FARP1: variants seen among roughly 807,000 people sequenced by gnomAD.
The protein encoded by FARP1 is FERM, ARHGEF and pleckstrin domain-containing protein 1.
In FARP1, 52 loss-of-function variants were observed where a neutral mutation model predicts 128.8. The observed-to-expected ratio is 0.40, with a 90% CI of 0.32 to 0.51. The LOEUF (loss-of-function observed/expected upper bound fraction) is 0.51. Among genes scored for constraint, FARP1 ranks in the 20% least tolerant of loss-of-function variants. FARP1 has a pLI of 0.45. For synonymous variants in FARP1, 580 were observed against 551.8 expected, an observed-to-expected ratio of 1.05 and a Z score of -0.72; for missense variants, 1,333 against 1,367.9, an observed-to-expected ratio of 0.97 and a Z score of 0.40.
At chr13:98,342,497 G>A (rs529997441) in intron 2 of FARP1, among the ~76,000 whole-genome samples, 2 of 152,034 alleles carry the variant, frequency 1.3e-5, no homozygotes, top group African/African-American at 4.8e-5. Context: ...TCAGGAGTTC[G>A]AGACCAGCCT....
chr13:98,393,707 G>C lies in FARP1; in HGVS notation c.1153G>C (p.Val385Leu), dbSNP rs762781389. ...ACAGCCTACAGAACTGAATTCGGAA[G>C]TGCTGGAGCAGGTCAGTGATGGCGC... ...ASQPTELNSE[V>L]LEQSQQSTSL... is the part of the protein sequence containing the mutation. Residue 385 changes from valine (V) to leucine (L), a missense_variant, in exon 12 of 27, where the codon GTG (valine) becomes CTG (leucine). Transcript: ENST00000319562. 1.2e-6 allele frequency: 2 copies of C among 1,613,578 alleles called. No individual in the cohort carries two copies. Among genetic ancestry groups the C allele is most frequent in the Non-Finnish European group, 1.7e-6 (2 of 1,179,518 alleles).
At chr13:98,234,922 G>C (rs79827332) in intron 2 of FARP1, among the ~76,000 whole-genome samples, 1,927 of 152,272 alleles carry the variant, frequency 0.013, 40 homozygotes, top group African/African-American at 0.044. Context: ...CACTGGATTT[G>C]TAATAATGCC....
At chr13:98,147,320 T>C (rs1875645400) in intron 1 of FARP1, among the ~76,000 whole-genome samples, 1 of 152,206 alleles carries the variant, frequency 6.6e-6, no homozygotes, top group South Asian at 2.1e-4. Flanking sequence ...TTAAGTTTTC[T>C]TAGTTTAATG....
At chr13:98,264,685 C>T (rs1047327313) in intron 2 of FARP1, among the ~76,000 whole-genome samples, 14 of 152,174 alleles carry the variant, frequency 9.2e-5, no homozygotes, top group African/African-American at 3.4e-4. Flanking sequence ...AGAATGCATT[C>T]TATAGTAAGA....
chr13:98,385,493 G>C (rs1322347470), intron 7 of FARP1, among the ~76,000 whole-genome samples, 174 bp from the exon 8 acceptor site: 1 of 152,188 alleles, frequency 6.6e-6, no homozygotes, highest in Non-Finnish European at 1.5e-5. Flanking sequence ...TTTTGTCCTA[G>C]CTGCTAGACT....
chr13:98,391,677 T>TC (rs1480334303), intron 11 of FARP1, among the ~76,000 whole-genome samples: 2 of 152,170 alleles, frequency 1.3e-5, no homozygotes, highest in African/African-American at 4.8e-5. Flanking sequence ...ACTCATTGAG[T>TC]CTTCACCTCA....
chr13:98,175,523 GAAA>G (rs5806050), intron 1 of FARP1, among the ~76,000 whole-genome samples: 15 of 150,400 alleles, frequency 1.0e-4, no homozygotes, highest in Non-Finnish European at 1.8e-4. Context: ...TAGCTTTTTT[GAAA>G]AAAAAAATTA....
intron 2 of FARP1, among the ~76,000 whole-genome samples, chr13:98,229,460 C>A (rs534659245): frequency 2.1e-4 from 32 of 151,364 alleles, no homozygotes; most frequent in African/African-American, 7.3e-4. Flanking sequence ...ACTTTTATAA[C>A]AGGGACAGGA....
intron 25 of FARP1, 160 bp downstream of exon 25, chr13:98,446,365 A>G (rs1480754679): frequency 1.6e-6 from 1 of 607,356 alleles, no homozygotes; most frequent in Non-Finnish European, 2.9e-6. Context: ...CGAGGCCCTC[A>G]ACTCTAGGGA....
intron 1 of FARP1, among the ~76,000 whole-genome samples, chr13:98,189,039 C>T (rs1484005142): frequency 6.6e-6 from 1 of 152,148 alleles, no homozygotes; most frequent in Non-Finnish European, 1.5e-5. Flanking sequence ...TGTCTTTCTC[C>T]TCTCCTTGTC....
intron 2 of FARP1, among the ~76,000 whole-genome samples, chr13:98,285,177 G>A (rs1442200877): frequency 1.3e-5 from 2 of 151,980 alleles, no homozygotes; most frequent in East Asian, 1.9e-4. Context: ...TCCCCTTATT[G>A]GACTTAACAA....
chr13:98,351,048 A>AGCCTCGCCTCCCCTGCCCC (rs1888399039), intron 3 of FARP1, among the ~76,000 whole-genome samples: 1 of 143,112 alleles, frequency 7.0e-6, no homozygotes, highest in Non-Finnish European at 1.5e-5. Context: ...TCCCCTGCCC[A>AGCCTCGCCTCCCCTGCCCC]GCCTCGCCTC....
Position 98,263,347 on chromosome 13 carries a change from C to T in FARP1, c.171+49934C>T, listed in dbSNP as rs189230797. Among the ~76,000 whole-genome samples the T allele has an allele frequency of 3.1e-3, 469 of 152,182 alleles. 2 individuals are homozygous for T. The highest frequency in any genetic ancestry group is 0.011 in the African/African-American group (456 of 41,508). ...TATAATGTTTATGTTTAGAAAGAAT[C>T]CCTATGCTTATATTTAGAAAGCTAG... is the stretch of plus-strand genomic sequence containing the variant. On this transcript the variant is annotated intron_variant, in intron 2 of 26. Coordinates refer to ENST00000319562, the MANE Select transcript of FARP1 (RefSeq NM_005766.4).
intron 2 of FARP1, among the ~76,000 whole-genome samples, chr13:98,273,137 A>G (rs1884464735): frequency 6.6e-6 from 1 of 152,178 alleles, no homozygotes; most frequent in Non-Finnish European, 1.5e-5. Flanking sequence ...TGCCCTGAAA[A>G]GGTGGGATAT....
chr13:98,209,030 A>G (rs1880482203), intron 1 of FARP1, among the ~76,000 whole-genome samples: 1 of 152,110 alleles, frequency 6.6e-6, no homozygotes, highest in African/African-American at 2.4e-5. Context: ...TGTATTTGAG[A>G]CAGAGTCTTG....
In FARP1 at chr13:98,343,763, A is replaced by G. The variant is rs1888067145; in HGVS notation, c.173A>G (p.Gln58Arg). 6.2e-7 allele frequency: 1 copy of G among 1,612,276 alleles called. No individual in the cohort carries two copies. Among genetic ancestry groups the G allele is most frequent in the East Asian group, 2.2e-5 (1 of 44,880 alleles). The change falls in exon 3 of 27, where the codon CAA (glutamine) becomes CGA (arginine). Residue 58 changes from glutamine (Q) to arginine (R), a missense_variant and splice_region_variant. Physicochemically the swap from Gln to Arg is conservative, Grantham distance 43. Around this residue, in one of 2 missense-constraint regions of FARP1, gnomAD observed 324 missense variants for 398.1 expected, o/e 0.81. Transcript: ENST00000319562. ...AACCCCTGTTGTTTCTGCTCACAGC[A>G]AAGAGCTCCTGGGAAGGTGCTGCTG... ...DDTQEAFEVP[Q>R]RAPGKVLLDA...
intron 2 of FARP1, chr13:98,329,073 C>T (rs1327606864): frequency 2.0e-5 from 3 of 152,166 alleles, no homozygotes; most frequent in Non-Finnish European, 2.9e-5. Context: ...TCTTAAAAGC[C>T]GCCTGCGGGG....
intron 10 of FARP1, 175 bp from the exon 11 acceptor site, chr13:98,390,637 G>C: frequency 1.8e-6 from 1 of 559,484 alleles, no homozygotes. Flanking sequence ...AAGAGACTGA[G>C]TGGACCCAAA....
chr13:98,230,355 T>G (rs1006827449), intron 2 of FARP1, among the ~76,000 whole-genome samples: 1 of 152,228 alleles, frequency 6.6e-6, no homozygotes, highest in African/African-American at 2.4e-5. Context: ...CTATGTTTAT[T>G]GTAGCAAATT....
Sources: allele counts gnomAD v4.1 joint callset (sites outside exome capture counted in the v4.1 genomes callset), GRCh38; gene constraint gnomAD v4.1.1; regional missense constraint gnomAD v4.1.1; transcripts MANE v1.5; gene names NCBI Gene and HGNC (gene_info 2026-07-23, HGNC 2026-07-21).